PSMG2: variants seen among roughly 807,000 people sequenced by gnomAD.
PSMG2 encodes the protein CD40 ligand-activated specific transcript 3.
A neutral mutation model predicts 31.5 loss-of-function variants in PSMG2; 21 were observed. That is an observed-to-expected ratio of 0.67 (90% CI 0.47 to 0.96). The LOEUF (loss-of-function observed/expected upper bound fraction) is 0.96, where lower values mean the gene tolerates loss of function less well. Ranked by LOEUF, PSMG2 falls within the 40% of genes least tolerant of loss-of-function variation. The pLI, the probability that PSMG2 is intolerant of heterozygous loss-of-function variation, is 0.00. For missense variants in PSMG2, 318 were observed against 321.2 expected, an observed-to-expected ratio of 0.99 and a Z score of 0.08; for synonymous variants, 120 against 110.4, an observed-to-expected ratio of 1.09 and a Z score of -0.54.
intron 5 of PSMG2, among the ~76,000 whole-genome samples, chr18:12,721,535 A>T (rs1174927264): frequency 6.6e-6 from 1 of 152,194 alleles, no homozygotes. Flanking sequence ...CCCATAAATA[A>T]TAACTCCCAA....
At chr18:12,690,897 A>AT (rs956312157) in intron 1 of PSMG2, among the ~76,000 whole-genome samples, 3 of 151,742 alleles carry the variant, frequency 2.0e-5, no homozygotes, top group African/African-American at 4.8e-5. Flanking sequence ...GTTATATACA[A>AT]TTTTTTTTAA....
chr18:12,660,987 C>G (rs2038685810), intron 1 of PSMG2, among the ~76,000 whole-genome samples: 2 of 152,210 alleles, frequency 1.3e-5, no homozygotes, highest in Non-Finnish European at 2.9e-5. Context: ...TTACTAACTT[C>G]TAAATGATTT....
intron 1 of PSMG2, among the ~76,000 whole-genome samples, chr18:12,660,811 CTG>C (rs2038682284): frequency 6.6e-6 from 1 of 151,744 alleles, no homozygotes; most frequent in Admixed American, 6.6e-5. Flanking sequence ...AATATTTTGC[CTG>C]TGTGAGCATA....
rs1009179533 is a variant in PSMG2 at position 12,672,885 on chromosome 18, A to G, written c.-37+14112A>G. On this transcript the variant is annotated intron_variant, in intron 1 of 6. Coordinates refer to the PSMG2 transcript ENST00000585331. ...ACCACGAATAAACCACAAAAGTGGT[A>G]ATTCATTAACATTTATTTTCACCAA... 3.0e-6 allele frequency: 3 copies of G among 985,278 alleles called. No individual in the cohort carries two copies. The African/African-American group carries it at 5.2e-5, about 17-fold the overall frequency. The allele number at this position is 985,278 out of a possible 1,614,324, so 61.0% of individuals were successfully genotyped here. A position where few individuals can be genotyped will look rare whatever the true frequency, so the allele number is the denominator to read the frequency against.
At chr18:12,698,090 GAAAT>G (rs1598663610), upstream of PSMG2, among the ~76,000 whole-genome samples, 1 of 150,512 alleles carries the variant, frequency 6.6e-6, no homozygotes, top group Non-Finnish European at 1.5e-5. Flanking sequence ...CTTTATTGGA[GAAAT>G]AAGAAAAAAA....
chr18:12,668,597 CAAAAA>C (rs752216074), intron 1 of PSMG2, among the ~76,000 whole-genome samples: 5 of 72,830 alleles, frequency 6.9e-5, no homozygotes, highest in Admixed American at 2.3e-4. Flanking sequence ...GATTCCATCT[CAAAAA>C]AAAAAAAAAA....
upstream of PSMG2, chr18:12,698,779 T>C (rs1042842593): frequency 3.9e-5 from 22 of 567,642 alleles, no homozygotes; most frequent in African/African-American, 2.6e-4. Context: ...AGTCAAAAAA[T>C]AATATCCAGG....
chr18:12,693,581 G>A (rs768138312), intron 1 of PSMG2, among the ~76,000 whole-genome samples: 5 of 152,010 alleles, frequency 3.3e-5, no homozygotes, highest in East Asian at 1.9e-4. Context: ...TCAAGAGATC[G>A]AGACCATCCT....
intron 3 of PSMG2, among the ~76,000 whole-genome samples, chr18:12,717,252 A>G (rs542541761): frequency 2.0e-5 from 3 of 152,158 alleles, no homozygotes; most frequent in South Asian, 2.1e-4. Flanking sequence ...CCTGTCCCAG[A>G]GCCTGCCTCT....
At chr18:12,722,824 C>T (rs1396037207) in intron 5 of PSMG2, among the ~76,000 whole-genome samples, 1 of 152,190 alleles carries the variant, frequency 6.6e-6, no homozygotes, top group Non-Finnish European at 1.5e-5. Context: ...ATAAGAGGCG[C>T]GATAAGCTGA....
chr18:12,721,084 G>A (rs368525416), intron 5 of PSMG2, among the ~76,000 whole-genome samples: 1 of 151,070 alleles, frequency 6.6e-6, no homozygotes, highest in East Asian at 2.0e-4. Flanking sequence ...GGAGGCCGAG[G>A]CAGGAGAATG....
chr18:12,666,227 C>T (rs1448434956), intron 1 of PSMG2, among the ~76,000 whole-genome samples: 3 of 151,698 alleles, frequency 2.0e-5, no homozygotes, highest in Non-Finnish European at 4.4e-5. Context: ...ACTTAAGAGG[C>T]TGAGGCAAGA....
At chr18:12,676,373 TC>T (rs1248430808) in intron 1 of PSMG2, among the ~76,000 whole-genome samples, 1 of 141,274 alleles carries the variant, frequency 7.1e-6, no homozygotes, top group African/African-American at 2.6e-5. Flanking sequence ...AACCTCTGCC[TC>T]CCCGGCTCCT....
chr18:12,703,146 C>T lies in PSMG2; in HGVS notation c.39C>T (p.Ala13=). ...GCGGGGAGTCGGCCCCCGACCTTGC[C>T]GGCTTCACCCTCCTAATGGTGAGTC... is the stretch of plus-strand genomic sequence containing the variant. ...VPCGESAPDL[A]GFTLLMPAVS... The change falls in exon 1 of 7, where the codon GCC becomes GCT. Residue 13 remains alanine (A), a synonymous_variant. Coordinates refer to ENST00000317615, the MANE Select transcript of PSMG2 (RefSeq NM_020232.5). 6.2e-7 allele frequency: 1 copy of T among 1,611,830 alleles called. No individual in the cohort carries two copies. The highest frequency in any genetic ancestry group is 1.7e-5 in the Admixed American group (1 of 59,848).
chr18:12,681,682 AATAC>A (rs1483717401), intron 1 of PSMG2, among the ~76,000 whole-genome samples: 5 of 152,172 alleles, frequency 3.3e-5, no homozygotes, highest in African/African-American at 7.2e-5. Context: ...ATTTCAAGAA[AATAC>A]ATACATAAGA....
chr18:12,716,661 T>C (rs2040379855), intron 3 of PSMG2, among the ~76,000 whole-genome samples: 1 of 152,192 alleles, frequency 6.6e-6, no homozygotes, highest in African/African-American at 2.4e-5. Context: ...CCCAAAGTGC[T>C]GGGATTACAG....
At chr18:12,663,330 T>C (rs1245578595) in intron 1 of PSMG2, 1 of 152,218 alleles carries the variant, frequency 6.6e-6, no homozygotes, top group East Asian at 1.9e-4. Flanking sequence ...TTGAGTCCAG[T>C]GGCATGATCT....
chr18:12,683,058 C>T (rs527911268), intron 1 of PSMG2, among the ~76,000 whole-genome samples: 62 of 151,784 alleles, frequency 4.1e-4, no homozygotes, highest in African/African-American at 1.4e-3. Flanking sequence ...ATGAGCTTAA[C>T]TTTATGGCCA....
chr18:12,691,276 CAAATA>C, intron 1 of PSMG2: 1 of 872,832 alleles, frequency 1.1e-6, no homozygotes, highest in African/African-American at 1.8e-5. Flanking sequence ...ATACATTTTA[CAAATA>C]AATATTAAAT....
Sources: gnomAD v4.1 joint callset for allele counts (sites outside exome capture counted in the v4.1 genomes callset) on GRCh38, gnomAD v4.1.1 for gene constraint, MANE v1.5 for transcripts, NCBI Gene and HGNC (gene_info 2026-07-23, HGNC 2026-07-21) for gene names.